The following MARCHF1 variants were observed in gnomAD, a reference collection of about 807,000 sequenced individuals.
MARCHF1 encodes E3 ubiquitin-protein ligase MARCHF1.
MARCHF1 carries 40 observed loss-of-function variants against 54.2 expected under a neutral mutation model. The observed-to-expected ratio is 0.74, with a 90% CI of 0.57 to 0.96. The LOEUF is 0.96. MARCHF1 is among the 40% of genes least tolerant of loss of function. MARCHF1 has a pLI of 0.00. For missense variants in MARCHF1, 586 were observed against 656.5 expected (o/e 0.89, Z 1.17); for synonymous variants, 236 against 236.3 (o/e 1.00, Z 0.01).
chr4:163,586,404 C>T (rs778900921), intron 7 of MARCHF1, among the ~76,000 whole-genome samples: 16 of 152,124 alleles, frequency 1.1e-4, no homozygotes, highest in Non-Finnish European at 1.8e-4. Context: ...ACTTCTAGTC[C>T]TACCCAAAAT....
intron 4 of MARCHF1, among the ~76,000 whole-genome samples, chr4:163,799,905 A>G: frequency 6.6e-6 from 1 of 152,162 alleles, no homozygotes. Flanking sequence ...TAAATGGTGA[A>G]CTAGATAGAG....
Position 163,977,930 on chromosome 4 carries a change from A to G in MARCHF1, c.-39+10571T>C, listed in dbSNP as rs568021469. ...ACAACCAGTAAAATAAAAGGCAATC[A>G]GGAGCATTACTACCATAAAAGTGAA... On this transcript the variant is annotated intron_variant, in intron 3 of 9. Transcript: ENST00000514618. Among the ~76,000 whole-genome samples the G allele has an allele frequency of 7.9e-5, 12 of 152,344 alleles. 1 individual carries two copies. The highest frequency in any genetic ancestry group is 7.8e-4 in the Admixed American group (12 of 15,302).
rs756930248 is a variant in MARCHF1, at chr4:163,613,493, G to C, written c.163-100C>G. 5 of 1,611,640 alleles carry C rather than the reference G, an allele frequency of 3.1e-6. No individual in the cohort carries two copies. The East Asian group carries it at 1.1e-4, about 36-fold the overall frequency. On this transcript the variant is annotated intron_variant, in intron 5 of 9. Coordinates refer to ENST00000514618, the MANE Select transcript of MARCHF1 (RefSeq NM_001394959.1). ...TATTTAAAAAATTACAACAAACGTG[G>C]CTGCTGGTCATGTTGCTTATAATGC...
intron 1 of MARCHF1, among the ~76,000 whole-genome samples, chr4:164,374,242 G>A (rs755203087): frequency 2.7e-5 from 4 of 149,136 alleles, no homozygotes; most frequent in East Asian, 2.1e-4. Context: ...TTTAACAGAC[G>A]TCAACATTTT....
chr4:163,955,370 A>C (rs769246862), intron 3 of MARCHF1, among the ~76,000 whole-genome samples: 7 of 124,728 alleles, frequency 5.6e-5, no homozygotes, highest in South Asian at 2.5e-4. Context: ...AAAACAAAGC[A>C]AAAAAAAAAA....
chr4:163,675,924 TACAAACAA>T (rs535772475), intron 5 of MARCHF1, among the ~76,000 whole-genome samples: 2 of 152,156 alleles, frequency 1.3e-5, no homozygotes, highest in East Asian at 1.9e-4. Flanking sequence ...CTATATTTAA[TACAAACAA>T]ACAAACAAAG....
chr4:164,136,078 ATT>A (rs10713715), intron 1 of MARCHF1, among the ~76,000 whole-genome samples: 1 of 147,974 alleles, frequency 6.8e-6, no homozygotes, highest in Admixed American at 6.7e-5. Context: ...TCAAATTTCC[ATT>A]TTTTTTTTTC....
chr4:163,870,921 A>G (rs752595390), intron 3 of MARCHF1, among the ~76,000 whole-genome samples: 3 of 152,160 alleles, frequency 2.0e-5, no homozygotes, highest in Non-Finnish European at 2.9e-5. Context: ...GTTCTATAGC[A>G]CTATAGGGTG....
At chr4:164,052,751 A>C (rs1366782680) in intron 2 of MARCHF1, among the ~76,000 whole-genome samples, 1 of 152,166 alleles carries the variant, frequency 6.6e-6, no homozygotes, top group Admixed American at 6.5e-5. Context: ...TAAATGATAA[A>C]GTAGTCAGGT....
intron 1 of MARCHF1, among the ~76,000 whole-genome samples, chr4:164,311,712 C>A (rs1348284818): frequency 1.3e-5 from 2 of 152,038 alleles, no homozygotes; most frequent in East Asian, 1.9e-4. Context: ...ATTTGAAAGC[C>A]CATTAAATTA....
At chr4:163,844,587 C>A (rs1198607438) in intron 4 of MARCHF1, among the ~76,000 whole-genome samples, 1 of 152,094 alleles carries the variant, frequency 6.6e-6, no homozygotes, top group Non-Finnish European at 1.5e-5. Flanking sequence ...GTGTTTGGCA[C>A]ATAAATGATT....
intron 2 of MARCHF1, among the ~76,000 whole-genome samples, chr4:164,037,720 C>T (rs563540638): frequency 1.3e-5 from 2 of 152,128 alleles, no homozygotes; most frequent in Non-Finnish European, 2.9e-5. Flanking sequence ...AGAAGTCTGA[C>T]AAACACTACC....
chr4:163,542,245 T>G (rs1386818416), intron 9 of MARCHF1, among the ~76,000 whole-genome samples: 1 of 151,780 alleles, frequency 6.6e-6, no homozygotes, highest in African/African-American at 2.4e-5. Context: ...AAAAGAAAAA[T>G]AAGAGGTGGA....
chr4:164,125,499 T>C (rs1756160795), intron 1 of MARCHF1, among the ~76,000 whole-genome samples: 1 of 152,090 alleles, frequency 6.6e-6, no homozygotes, highest in Non-Finnish European at 1.5e-5. Flanking sequence ...CATCAAGAGA[T>C]CTTATGAATT....
chr4:163,947,557 T>A (rs1235567356), intron 3 of MARCHF1, among the ~76,000 whole-genome samples: 2 of 152,202 alleles, frequency 1.3e-5, no homozygotes, highest in Non-Finnish European at 2.9e-5. Context: ...ATGAGAGTGA[T>A]GTGTGGCCAC....
At chr4:163,633,628 C>G (rs1371625318) in intron 5 of MARCHF1, among the ~76,000 whole-genome samples, 3 of 152,146 alleles carry the variant, frequency 2.0e-5, no homozygotes, top group South Asian at 4.1e-4. Context: ...GATTGGTATA[C>G]CTGAAAGTGA....
chr4:164,273,986 T>C (rs1422693823), intron 1 of MARCHF1, among the ~76,000 whole-genome samples: 7 of 152,054 alleles, frequency 4.6e-5, no homozygotes, highest in Admixed American at 4.6e-4. Context: ...CAGTTCATAC[T>C]GCCAGAATTG....
chr4:163,577,591 T>C (rs1299738218), intron 8 of MARCHF1, among the ~76,000 whole-genome samples: 1 of 152,018 alleles, frequency 6.6e-6, no homozygotes, highest in East Asian at 1.9e-4. Context: ...ATCTTGCAGG[T>C]GTTCTCTGAA....
At chr4:163,761,560 A>G (rs995109130) in intron 4 of MARCHF1, among the ~76,000 whole-genome samples, 3 of 152,198 alleles carry the variant, frequency 2.0e-5, no homozygotes, top group African/African-American at 4.8e-5. Flanking sequence ...CTCCAATGAG[A>G]TCAGCCAGCA....
Sources: gnomAD v4.1 joint callset for allele counts (sites outside exome capture counted in the v4.1 genomes callset) on GRCh38, gnomAD v4.1.1 for gene constraint, MANE v1.5 for transcripts, NCBI Gene and HGNC (gene_info 2026-07-23, HGNC 2026-07-21) for gene names.